MIDEAS: variants seen among roughly 807,000 people sequenced by gnomAD.
MIDEAS encodes mitotic deacetylase associated SANT domain protein, also known as mitotic deacetylase-associated SANT domain protein.
A neutral mutation model predicts 102.7 loss-of-function variants in MIDEAS; 26 were observed. That is an observed-to-expected ratio of 0.25 (90% CI 0.19 to 0.35). The LOEUF (loss-of-function observed/expected upper bound fraction) is 0.35, where lower values mean the gene tolerates loss of function less well. Ranked by LOEUF, MIDEAS falls within the 10% of genes least tolerant of loss-of-function variation. MIDEAS has a pLI of 1.00. For synonymous variants in MIDEAS, 585 were observed against 591.0 expected, an observed-to-expected ratio of 0.99 and a Z score of 0.15; for missense variants, 1,231 against 1,435.6, an observed-to-expected ratio of 0.86 and a Z score of 2.30.
intron 1 of MIDEAS, among the ~76,000 whole-genome samples, chr14:73,775,389 C>T (rs749380569): frequency 1.9e-4 from 29 of 152,180 alleles, no homozygotes; most frequent in Non-Finnish European, 3.5e-4. Flanking sequence ...TTCTTTTCCA[C>T]TTTAATGCTG....
chr14:73,765,213 C>T (rs1052120823), upstream of MIDEAS, among the ~76,000 whole-genome samples: 1 of 152,232 alleles, frequency 6.6e-6, no homozygotes, highest in South Asian at 2.1e-4. Flanking sequence ...ATGTGTGCAA[C>T]AGGGCATGCT....
At chr14:73,723,262 A>G (rs2053020220) in intron 9 of MIDEAS, 1 of 159,808 alleles carries the variant, frequency 6.3e-6, no homozygotes, top group Non-Finnish European at 1.4e-5. Flanking sequence ...CTCGTGCCTC[A>G]GCTTCCTGAG....
upstream of MIDEAS, among the ~76,000 whole-genome samples, chr14:73,764,077 C>T (rs902503659): frequency 2.6e-5 from 4 of 152,148 alleles, no homozygotes; most frequent in Admixed American, 6.5e-5. Context: ...TCATGGCTCA[C>T]GCCTGTAATC....
chr14:73,731,390 C>G (rs1355880040), intron 3 of MIDEAS, among the ~76,000 whole-genome samples: 1 of 152,178 alleles, frequency 6.6e-6, no homozygotes, highest in Non-Finnish European at 1.5e-5. Context: ...CTTCACCCAT[C>G]TGTGCCCTCT....
chr14:73,771,984 G>A (rs560111568), intron 1 of MIDEAS, among the ~76,000 whole-genome samples: 3 of 152,210 alleles, frequency 2.0e-5, no homozygotes, highest in East Asian at 1.9e-4. Flanking sequence ...GTGAGTGGGC[G>A]GGTGGCTCAA....
chr14:73,774,108 T>C (rs1385326474), intron 1 of MIDEAS, among the ~76,000 whole-genome samples: 1 of 151,090 alleles, frequency 6.6e-6, no homozygotes, highest in Non-Finnish European at 1.5e-5. Context: ...TCTCTCTGAG[T>C]GGCACGCAGA....
chr14:73,728,359 A>ATTT (rs1205102688), intron 4 of MIDEAS: 3 of 151,034 alleles, frequency 2.0e-5, no homozygotes, highest in Non-Finnish European at 2.9e-5. Flanking sequence ...TTCCGCTTCC[A>ATTT]TTTGTACCTC....
upstream of MIDEAS, among the ~76,000 whole-genome samples, chr14:73,787,722 T>A (rs2053831347): frequency 6.6e-6 from 1 of 152,224 alleles, no homozygotes; most frequent in South Asian, 2.1e-4. Flanking sequence ...CCACGTTCTC[T>A]CTAAAAGTCT....
rs1179483901 is a variant in MIDEAS, at chr14:73,739,360, A to G, written c.649T>C (p.Phe217Leu). ...ACCTGGTGGCCGAATGCCAGCTGGA[A>G]GGGTTGCAGGGGCAGTGACTGGTTT... ...PPNQSLPLQP[F>L]QLAFGHQVNR... The change falls in exon 2 of 13, where the codon TTC becomes CTC. Residue 217 changes from phenylalanine to leucine, a missense_variant. Phe to Leu is a conservative substitution (Grantham distance 22, BLOSUM62 0). Around this residue, in one of 5 missense-constraint regions of MIDEAS, gnomAD observed 758 missense variants for 856.0 expected, o/e 0.89. Coordinates refer to ENST00000423556, the MANE Select transcript of MIDEAS (RefSeq NM_001367710.1). 6.3e-7 allele frequency: 1 copy of G among 1,597,142 alleles called. No homozygotes were observed. Among genetic ancestry groups the G allele is most frequent in the Non-Finnish European group, 8.5e-7 (1 of 1,169,998 alleles).
At chr14:73,781,396 A>T (rs2053755953) in intron 1 of MIDEAS, among the ~76,000 whole-genome samples, 1 of 152,234 alleles carries the variant, frequency 6.6e-6, no homozygotes, top group Non-Finnish European at 1.5e-5. Context: ...AGAAATATGT[A>T]AATCCCAGTT....
At chr14:73,778,589 T>C (rs2053713948) in intron 1 of MIDEAS, among the ~76,000 whole-genome samples, 1 of 151,880 alleles carries the variant, frequency 6.6e-6, no homozygotes, top group Non-Finnish European at 1.5e-5. Context: ...GAGCATGTGC[T>C]ATGGGGAGGC....
intron 1 of MIDEAS, among the ~76,000 whole-genome samples, chr14:73,783,599 A>G (rs1356254484): frequency 6.6e-6 from 1 of 152,206 alleles, no homozygotes; most frequent in Non-Finnish European, 1.5e-5. Context: ...TTTAAGTGAG[A>G]TTACAGAGCA....
In MIDEAS at chr14:73,737,242, C is replaced by T. The variant is rs780956921; in HGVS notation, c.1505G>A (p.Cys502Tyr). The T allele has an allele frequency of 4.5e-5, 73 of 1,614,036 alleles. No homozygotes were observed. Among genetic ancestry groups the T allele is most frequent in the Non-Finnish European group, 3.3e-5 (39 of 1,180,000 alleles). The change falls in exon 3 of 13, where the codon TGT (cysteine) becomes TAT (tyrosine). Residue 502 changes from cysteine to tyrosine, a missense_variant. Cys to Tyr is a radical substitution (Grantham distance 194). Coordinates refer to ENST00000423556, the MANE Select transcript of MIDEAS (RefSeq NM_001367710.1). ...RKSVLASTTK[C>Y]GVEFSEPSLA... ...GGAAGGCTCAGAAAACTCCACCCCA[C>T]ACTTGGTAGTTGAGGCCAATACACT...
chr14:73,739,783 C>G lies in MIDEAS; in HGVS notation c.226G>C (p.Val76Leu). Residue 76 changes from valine (V) to leucine (L), a missense_variant, in exon 2 of 13, where the codon GTG becomes CTG. Val to Leu is a conservative substitution (Grantham distance 32). Transcript: ENST00000423556. ...GAGGTCCGCTCAGGCCCATATACCA[C>G]AGAGTTCAGCAGGGCCAGGCTGCTA... ...PPSSLALLNS[V>L]VYGPERTSAA... 6.2e-7 allele frequency: 1 copy of G among 1,613,734 alleles called. No individual in the cohort carries two copies. The highest frequency in any genetic ancestry group is 8.5e-7 in the Non-Finnish European group (1 of 1,179,908).
At chr14:73,727,437 C>T (rs1388931954) in intron 5 of MIDEAS, 21 bp downstream of exon 5, 2 of 1,613,864 alleles carry the variant, frequency 1.2e-6, no homozygotes, top group Non-Finnish European at 1.7e-6. Flanking sequence ...ACCCCTCGGC[C>T]AGGGGCAGGG....
intron 1 of MIDEAS, among the ~76,000 whole-genome samples, chr14:73,746,461 G>A (rs2140135811): frequency 6.6e-6 from 1 of 152,332 alleles, no homozygotes; most frequent in South Asian, 2.1e-4. Flanking sequence ...GGTAGAAGCA[G>A]GCAGGTTTAG....
intron 1 of MIDEAS, among the ~76,000 whole-genome samples, chr14:73,756,020 G>A (rs117292174): frequency 6.6e-6 from 1 of 152,258 alleles, no homozygotes; most frequent in Non-Finnish European, 1.5e-5. Flanking sequence ...GTTAAGCAAT[G>A]CCCAAAGCCA....
chr14:73,729,027 T>G (rs908708244), intron 4 of MIDEAS: 1 of 152,478 alleles, frequency 6.6e-6, no homozygotes, highest in African/African-American at 2.4e-5. Flanking sequence ...CCTAAGGGAT[T>G]GGATTATCCC....
chr14:73,756,281 T>C (rs1334608846), intron 1 of MIDEAS, among the ~76,000 whole-genome samples: 2 of 89,600 alleles, frequency 2.2e-5, no homozygotes, highest in African/African-American at 9.6e-5. Context: ...TGTGTGTGTG[T>C]GTGTGTGTGT....
Sources: allele counts gnomAD v4.1 joint callset (sites outside exome capture counted in the v4.1 genomes callset), GRCh38; gene constraint gnomAD v4.1.1; regional missense constraint gnomAD v4.1.1; transcripts MANE v1.5; gene names NCBI Gene and HGNC (gene_info 2026-07-23, HGNC 2026-07-21).